RANBP2: variants seen among roughly 807,000 people sequenced by gnomAD.
RANBP2 encodes the protein E3 SUMO-protein ligase RanBP2.
A neutral mutation model predicts 303.6 loss-of-function variants in RANBP2; 57 were observed. That is an observed-to-expected ratio of 0.19 (90% CI 0.15 to 0.23). The LOEUF (loss-of-function observed/expected upper bound fraction) is 0.23, where lower values mean the gene tolerates loss of function less well. RANBP2 is among the 10% of genes least tolerant of loss of function. The pLI is 1.00. For missense variants in RANBP2, 3,138 were observed against 3,780.8 expected (o/e 0.83, Z 4.46); for synonymous variants, 1,167 against 1,301.5 (o/e 0.90, Z 2.23).
the RANBP2 span, among the ~76,000 whole-genome samples, chr2:109,243,804 C>T: frequency 4.6e-5 from 7 of 152,200 alleles, no homozygotes; most frequent in South Asian, 6.2e-4. Flanking sequence ...GTTCTCTGTG[C>T]GTTGGGAAGC....
the RANBP2 span, among the ~76,000 whole-genome samples, chr2:109,711,575 G>A: frequency 1.6e-4 from 24 of 152,154 alleles, no homozygotes; most frequent in African/African-American, 5.5e-4. Context: ...CATCATCTCT[G>A]TGCCCCCTCC....
At chr2:108,857,654 AC>A in the RANBP2 span, among the ~76,000 whole-genome samples, 2 of 152,232 alleles carry the variant, frequency 1.3e-5, no homozygotes, top group Non-Finnish European at 2.9e-5. Flanking sequence ...TATTGGACTT[AC>A]AGTTGATGAC....
At chr2:108,787,887 T>C (rs545375440), downstream of RANBP2, 23 of 663,818 alleles carry the variant, frequency 3.5e-5, no homozygotes, top group Non-Finnish European at 3.9e-5. Flanking sequence ...ATTGATGATA[T>C]TAGTTTTGAT....
At chr2:108,796,094 G>T in the RANBP2 span, among the ~76,000 whole-genome samples, 1 of 152,094 alleles carries the variant, frequency 6.6e-6, no homozygotes, top group Non-Finnish European at 1.5e-5. Context: ...CTGTGCCCAG[G>T]CTGGAGTGCA....
the RANBP2 span, among the ~76,000 whole-genome samples, chr2:109,112,071 T>C: frequency 2.0e-5 from 3 of 152,020 alleles, no homozygotes; most frequent in African/African-American, 7.3e-5. Context: ...TTTGCTATTG[T>C]GAATAGTGCC....
the RANBP2 span, chr2:109,615,344 C>T: frequency 1.9e-6 from 3 of 1,612,388 alleles, no homozygotes; most frequent in Non-Finnish European, 1.7e-6. Context: ...GCCTGGAGGG[C>T]TTGCTCACCT....
At chr2:109,693,596 G>A in the RANBP2 span, among the ~76,000 whole-genome samples, 2 of 152,116 alleles carry the variant, frequency 1.3e-5, no homozygotes, top group East Asian at 3.9e-4. Context: ...TCTCTCTCTT[G>A]CCTGCCACCA....
Position 108,767,251 on chromosome 2 carries a change from G to A in RANBP2, c.6712G>A (p.Val2238Ile). The change falls in exon 20 of 29, where the codon GTC becomes ATC. Residue 2238 changes from valine to isoleucine, a missense_variant. By Grantham distance (29) the Val-to-Ile change is conservative. Around this residue, in one of 20 missense-constraint regions of RANBP2, gnomAD observed 72 missense variants for 86.8 expected, o/e 0.83. Transcript: ENST00000283195. ...AAGGGAAGATGCTTTGGATGATAGT[G>A]TCAGTAGTAGCTCAGTACATGCTTC... ...DLREDALDDS[V>I]SSSSVHASPL... is the part of the protein sequence containing the mutation. The A allele has an allele frequency of 6.2e-7, 1 of 1,612,028 alleles. No homozygotes were observed. The highest frequency in any genetic ancestry group is 8.5e-7 in the Non-Finnish European group (1 of 1,179,854).
chr2:108,818,412 C>T, the RANBP2 span, among the ~76,000 whole-genome samples: 1 of 152,174 alleles, frequency 6.6e-6, no homozygotes, highest in Non-Finnish European at 1.5e-5. Context: ...TTCATTTTAA[C>T]ATCTGTAAAT....
chr2:108,739,287 C>T (rs867396316), intron 6 of RANBP2, among the ~76,000 whole-genome samples: 32 of 152,080 alleles, frequency 2.1e-4, no homozygotes, highest in African/African-American at 7.7e-4. Flanking sequence ...CTTACAGTCC[C>T]AGCTGCTCGG....
chr2:109,078,134 T>TGCCATTTGCA, the RANBP2 span, among the ~76,000 whole-genome samples: 1 of 69,608 alleles, frequency 1.4e-5, no homozygotes, highest in Non-Finnish European at 2.6e-5. Flanking sequence ...TATATATATA[T>TGCCATTTGCA]AGCGTGTATA....
At chr2:109,240,486 AAACAAAATACAAAC>A in the RANBP2 span, among the ~76,000 whole-genome samples, 19 of 152,168 alleles carry the variant, frequency 1.2e-4, no homozygotes. Flanking sequence ...AAAAACAAAC[AAACAAAATACAAAC>A]AACAAAAACT....
chr2:108,766,622 GAGA>G lies in RANBP2; in HGVS notation c.6090_6092del (p.Glu2030del), dbSNP rs1677140821. The G allele has an allele frequency of 6.2e-7, 1 of 1,611,834 alleles. No individual in the cohort carries two copies. Among genetic ancestry groups the G allele is most frequent in the African/African-American group, 1.3e-5 (1 of 74,806 alleles). On this transcript the variant is annotated inframe_deletion, in exon 20 of 29. Coordinates refer to ENST00000283195, the MANE Select transcript of RANBP2 (RefSeq NM_006267.5). ...CCCGAAAAAGTAGAACTTGTAACAG[GAGA>G]AGAAGATGAAAAAGTTCTGTATTCA...
At chr2:108,932,478 G>A in the RANBP2 span, among the ~76,000 whole-genome samples, 1,161 of 141,794 alleles carry the variant, frequency 8.2e-3, 8 homozygotes, top group South Asian at 0.03. Flanking sequence ...GCAGTGAGCC[G>A]AGATTGTGCC....
At chr2:109,112,910 T>C in the RANBP2 span, among the ~76,000 whole-genome samples, 1 of 152,194 alleles carries the variant, frequency 6.6e-6, no homozygotes, top group Non-Finnish European at 1.5e-5. Context: ...CCATTGCTTG[T>C]TTTTCTCAGG....
chr2:109,112,101 A>G, the RANBP2 span, among the ~76,000 whole-genome samples: 1 of 151,746 alleles, frequency 6.6e-6, no homozygotes, highest in Admixed American at 6.6e-5. Context: ...ATACGTGTGC[A>G]TGTGTCTTTA....
chr2:109,174,877 A>G, the RANBP2 span, among the ~76,000 whole-genome samples: 2 of 152,208 alleles, frequency 1.3e-5, no homozygotes, highest in Admixed American at 1.3e-4. Context: ...CCCTCTGTCA[A>G]CATATTTCAG....
the RANBP2 span, among the ~76,000 whole-genome samples, chr2:109,528,681 C>T: frequency 1.3e-5 from 2 of 152,168 alleles, no homozygotes; most frequent in Admixed American, 6.5e-5. Flanking sequence ...CAGGAGGGGT[C>T]GGAGCAGAGG....
chr2:109,616,248 G>T, the RANBP2 span: 54 of 978,984 alleles, frequency 5.5e-5, no homozygotes, highest in Non-Finnish European at 7.4e-5. Flanking sequence ...GTCTTTTTCA[G>T]AGATTCATCA....
Sources: allele counts gnomAD v4.1 joint callset (sites outside exome capture counted in the v4.1 genomes callset), GRCh38; gene constraint gnomAD v4.1.1; regional missense constraint gnomAD v4.1.1; transcripts MANE v1.5; gene names NCBI Gene and HGNC (gene_info 2026-07-23, HGNC 2026-07-21).